Variants in SPATA6L observed in about 807,000 individuals in gnomAD.
SPATA6L encodes spermatogenesis associated 6 like.
Under a neutral mutation model 49.2 loss-of-function variants are expected in SPATA6L, and 68 were observed. The ratio of observed to expected loss-of-function variants is 1.38; its 90% CI spans 1.14 to 1.69. The LOEUF (loss-of-function observed/expected upper bound fraction) is 1.69, where lower values mean the gene tolerates loss of function less well. Among genes scored for constraint, SPATA6L ranks in the 40% most tolerant of loss-of-function variants. SPATA6L has a pLI of 0.00. For missense variants in SPATA6L, 668 were observed against 464.3 expected (o/e 1.44, Z -4.03); for synonymous variants, 198 against 165.7 (o/e 1.19, Z -1.50).
At chr9:4,589,883 AAAG>A (rs1586886706) in intron 13 of SPATA6L, among the ~76,000 whole-genome samples, 1 of 152,278 alleles carries the variant, frequency 6.6e-6, no homozygotes, top group South Asian at 2.1e-4. Flanking sequence ...CAGATAATAT[AAAG>A]AAGAAGAAGC....
chr9:4,616,330 A>G (rs1564166487), intron 9 of SPATA6L, among the ~76,000 whole-genome samples: 1 of 152,168 alleles, frequency 6.6e-6, no homozygotes, highest in Non-Finnish European at 1.5e-5. Context: ...GCTGTGTGAA[A>G]TCACCCAGCA....
intron 4 of SPATA6L, among the ~76,000 whole-genome samples, chr9:4,630,872 C>A (rs1831384324): frequency 6.6e-6 from 1 of 152,202 alleles, no homozygotes; most frequent in Admixed American, 6.5e-5. Flanking sequence ...TCTCATTTTA[C>A]AGATGAGTAA....
At chr9:4,625,278 C>G in intron 6 of SPATA6L, 49 bp downstream of exon 6, 1 of 1,577,774 alleles carries the variant, frequency 6.3e-7, no homozygotes, top group African/African-American at 1.4e-5. Flanking sequence ...CCACCCTCAT[C>G]CATATCCTCA....
rs1822490541 is a variant in SPATA6L at position 4,598,360 on chromosome 9, C to T, written c.*2451G>A. On this transcript the variant is annotated 3_prime_UTR_variant, in exon 12 of 12. Coordinates refer to ENST00000682582, the MANE Select transcript of SPATA6L (RefSeq NM_001353486.2). ...TGACACAGATCTTCCCAAAGTAATC[C>T]AAACCCCAAAACATCACAAAATTAT... Among the ~76,000 whole-genome samples the T allele has an allele frequency of 6.6e-6, 1 of 152,178 alleles. No individual in the cohort carries two copies. Among genetic ancestry groups the T allele is most frequent in the Non-Finnish European group, 1.5e-5 (1 of 68,028 alleles).
chr9:4,652,147 G>A (rs992913284), intron 3 of SPATA6L, among the ~76,000 whole-genome samples: 10 of 152,198 alleles, frequency 6.6e-5, no homozygotes, highest in African/African-American at 1.7e-4. Context: ...TGGGCCAGGC[G>A]CGGTGGCTAA....
intron 13 of SPATA6L, among the ~76,000 whole-genome samples, chr9:4,589,320 C>T (rs1041005839): frequency 6.6e-6 from 1 of 152,196 alleles, no homozygotes; most frequent in African/African-American, 2.4e-5. Flanking sequence ...CCTTCTCCCT[C>T]CCCCATTTAT....
rs779640041 is a variant in SPATA6L at position 4,629,182 on chromosome 9, TA to T, written c.352-15del. On this transcript the variant is annotated splice_polypyrimidine_tract_variant and intron_variant, in intron 4 of 11. Coordinates refer to ENST00000682582, the MANE Select transcript of SPATA6L (RefSeq NM_001353486.2). ...GGGAGCAATGCCCTATAAAACAGCA[TA>T]AAAAAAGCAAATAAAATTACTAGAA... 4.0e-5 allele frequency: 63 copies of T among 1,566,604 alleles called. No individual in the cohort carries two copies. Among genetic ancestry groups the T allele is most frequent in the Non-Finnish European group, 5.2e-5 (60 of 1,153,060 alleles).
At chr9:4,610,651 A>G (rs1321138617) in intron 9 of SPATA6L, among the ~76,000 whole-genome samples, 1 of 152,182 alleles carries the variant, frequency 6.6e-6, no homozygotes, top group East Asian at 1.9e-4. Context: ...TCAATTCCAG[A>G]TGGATTAAAG....
Position 4,662,120 on chromosome 9 carries a change from C to T in SPATA6L, c.40-84G>A, listed in dbSNP as rs1839930926. ...TACACGGGGCTCTATTTCTCTTAAGCTCCTACAGACACTGACATTTTCCCC... is the reference window on the plus strand; with the variant it reads ...TACACGGGGCTCTATTTCTCTTAAGTTCCTACAGACACTGACATTTTCCCC... On this transcript the variant is annotated intron_variant, in intron 1 of 11. Coordinates refer to ENST00000682582, the MANE Select transcript of SPATA6L (RefSeq NM_001353486.2). The surrounding 1 kb of genome is among the most constrained non-coding windows in gnomAD (Gnocchi z 4.9). The T allele has an allele frequency of 2.0e-6, 3 of 1,531,924 alleles. No individual in the cohort carries two copies. Among genetic ancestry groups the T allele is most frequent in the South Asian group, 1.2e-5 (1 of 80,544 alleles). The allele number at this position is 1,531,924 out of a possible 1,614,324, so 94.9% of individuals were successfully genotyped here.
In SPATA6L at chr9:4,662,963, G is replaced by T; in HGVS notation, c.40-927C>A. On this transcript the variant is annotated intron_variant, in intron 1 of 11. Transcript: ENST00000682582. The surrounding 1 kb of genome is among the most constrained non-coding windows in gnomAD (Gnocchi z 4.9). ...GCAGGCGCCGCCCGGCCCACAACCA[G>T]ATGGACATGTTTGTCACTCTCTCGG... 6.2e-7 allele frequency: 1 copy of T among 1,612,734 alleles called. No homozygotes were observed.
rs1201828879 is a variant in SPATA6L, at chr9:4,617,924, T to C, written c.994A>G (p.Arg332Gly). 1.2e-6 allele frequency: 2 copies of C among 1,605,098 alleles called. No individual in the cohort carries two copies. The highest frequency in any genetic ancestry group is 1.1e-5 in the South Asian group (1 of 89,282). ...AACAGATGGGTGCTTGCCACTGACC[T>C]TTCTCTGAGAAGGGGCTGATCCAAG... Reference protein sequence around the residue: ...GPLDQPLLRERFHPGSQSTWK... With the variant: ...GPLDQPLLREGFHPGSQSTWK... The change falls in exon 9 of 12, where the codon AGG becomes GGG. Residue 332 changes from arginine to glycine, a missense_variant and splice_region_variant. Physicochemically the swap from Arg to Gly is moderately radical, Grantham distance 125. Transcript: ENST00000682582.
chr9:4,615,852 G>A (rs73387232), intron 9 of SPATA6L, among the ~76,000 whole-genome samples: 27 of 152,266 alleles, frequency 1.8e-4, no homozygotes, highest in African/African-American at 6.5e-4. Flanking sequence ...AGTTTGGGAG[G>A]TGTTATAGAT....
intron 4 of SPATA6L, chr9:4,633,177 G>T: frequency 6.5e-6 from 1 of 154,660 alleles, no homozygotes; most frequent in South Asian, 1.9e-4. Context: ...AGGCTTATGT[G>T]GTCCAAATCA....
In SPATA6L at chr9:4,649,060, TATACACACAC is replaced by T. The variant is rs1195650888; in HGVS notation, c.226+6971_226+6980del. 4.5e-3 allele frequency among the ~76,000 whole-genome samples: 302 copies of T among 67,536 alleles called. 2 individuals are homozygous for T. The highest frequency in any genetic ancestry group is 0.013 in the African/African-American group (278 of 20,770). The allele number at this position is 67,536 out of a possible 152,430, so 44.3% of individuals were successfully genotyped here. On this transcript the variant is annotated intron_variant, in intron 3 of 11. Coordinates refer to ENST00000682582, the MANE Select transcript of SPATA6L (RefSeq NM_001353486.2). ...CATCATATATAATGGAATATAGAAA[TATACACACAC>T]ACACACACACACACACACACACACA... is the stretch of plus-strand genomic sequence containing the variant.
intron 3 of SPATA6L, among the ~76,000 whole-genome samples, chr9:4,639,882 G>T (rs1412171390): frequency 6.6e-6 from 1 of 152,192 alleles, no homozygotes; most frequent in Non-Finnish European, 1.5e-5. Context: ...CCTCTTTACA[G>T]ATAAGGAAAC....
downstream of SPATA6L, among the ~76,000 whole-genome samples, chr9:4,593,691 T>C (rs1391097368): frequency 6.6e-6 from 1 of 152,194 alleles, no homozygotes; most frequent in East Asian, 1.9e-4. Context: ...TTCTCAGTCA[T>C]CAATTTTTAC....
At chr9:4,623,298 A>AAATAAT (rs1026829561) in intron 6 of SPATA6L, among the ~76,000 whole-genome samples, 4 of 151,836 alleles carry the variant, frequency 2.6e-5, no homozygotes, top group East Asian at 1.9e-4. Context: ...TAATAATAAT[A>AAATAAT]AATAATAATA....
intron 11 of SPATA6L, among the ~76,000 whole-genome samples, chr9:4,602,467 C>T (rs1823584731): frequency 6.6e-6 from 1 of 152,178 alleles, no homozygotes; most frequent in Non-Finnish European, 1.5e-5. Context: ...CTGGCCATTC[C>T]TAAGGCAAGC....
intron 4 of SPATA6L, among the ~76,000 whole-genome samples, chr9:4,632,727 C>T (rs1831888691): frequency 6.6e-6 from 1 of 152,120 alleles, no homozygotes; most frequent in Admixed American, 6.6e-5. Context: ...TAAAAGCAAA[C>T]TCAACATATG....
Sources: gnomAD v4.1 joint callset for allele counts (sites outside exome capture counted in the v4.1 genomes callset) on GRCh38, gnomAD v4.1.1 for gene constraint, Gnocchi (gnomAD v3.1) non-coding constraint, MANE v1.5 for transcripts, NCBI Gene and HGNC (gene_info 2026-07-23, HGNC 2026-07-21) for gene names.